Variants in MAPRE3 observed in about 807,000 individuals in gnomAD.
The protein encoded by MAPRE3 is microtubule-associated protein RP/EB family member 3.
MAPRE3 carries 2 observed loss-of-function variants against 30.5 expected under a neutral mutation model. The observed-to-expected ratio is 0.07, with a 90% confidence interval of 0.03 to 0.21. The LOEUF is 0.21. Among genes scored for constraint, MAPRE3 ranks in the 10% least tolerant of loss-of-function variants. MAPRE3 has a pLI of 1.00. For missense variants in MAPRE3, 204 were observed against 351.8 expected, an observed-to-expected ratio of 0.58 and a Z score of 3.36; for synonymous variants, 110 against 127.7, an observed-to-expected ratio of 0.86 and a Z score of 0.93.
intron 1 of MAPRE3, chr2:27,001,957 C>T (rs970836442): frequency 6.6e-5 from 10 of 152,312 alleles, no homozygotes; most frequent in Admixed American, 4.6e-4. Context: ...GTATTTTGCT[C>T]GTGAGGCAGG....
At position 27,025,955 on chromosome 2, in the gene MAPRE3, G is replaced by A. The variant is rs1438049103; in HGVS notation, c.700G>A (p.Glu234Lys). The A allele has an allele frequency of 6.2e-7, 1 of 1,614,136 alleles. No individual in the cohort carries two copies. The highest frequency in any genetic ancestry group is 8.5e-7 in the Non-Finnish European group (1 of 1,180,004). ...DFYFSKLRDIELICQEHESEN... is the reference protein window; with the variant it reads ...DFYFSKLRDIKLICQEHESEN... ...CTACTTCAGCAAACTTCGTGACATC[G>A]AGCTCATCTGCCAGGAGCATGAAAG... The change falls in exon 6 of 7, where the codon GAG becomes AAG. Residue 234 changes from glutamate (E) to lysine (K), a missense_variant. Physicochemically the swap from Glu to Lys is moderately conservative, Grantham distance 56. Coordinates refer to ENST00000233121, the MANE Select transcript of MAPRE3 (RefSeq NM_012326.4).
intron 1 of MAPRE3, among the ~76,000 whole-genome samples, chr2:26,993,401 A>T (rs1471054148): frequency 6.6e-6 from 1 of 152,154 alleles, no homozygotes; most frequent in Non-Finnish European, 1.5e-5. Context: ...GACATTATTA[A>T]AATAAAACCA....
intron 1 of MAPRE3, among the ~76,000 whole-genome samples, chr2:26,988,569 T>C (rs1666264974): frequency 6.6e-6 from 1 of 152,230 alleles, no homozygotes; most frequent in Admixed American, 6.5e-5. Context: ...AACTCATGCT[T>C]TGCCCTGACT....
intron 1 of MAPRE3, among the ~76,000 whole-genome samples, chr2:26,981,345 C>T (rs548761139): frequency 1.3e-4 from 19 of 151,708 alleles, no homozygotes; most frequent in Non-Finnish European, 2.5e-4. Context: ...GCCCTAAGGC[C>T]GGAGGTAGAG....
chr2:26,993,444 A>G (rs1197874834), intron 1 of MAPRE3, among the ~76,000 whole-genome samples: 3 of 152,226 alleles, frequency 2.0e-5, no homozygotes, highest in South Asian at 2.1e-4. Context: ...TTTCTTAACC[A>G]TCTGTTCTAT....
intron 1 of MAPRE3, among the ~76,000 whole-genome samples, chr2:26,997,379 T>C (rs1666486371): frequency 6.6e-6 from 1 of 152,162 alleles, no homozygotes; most frequent in Non-Finnish European, 1.5e-5. Context: ...TTTTAGCTCA[T>C]GAGCTGTCCT....
chr2:27,024,135 G>A lies in MAPRE3; in HGVS notation c.307G>A (p.Asp103Asn). Reference sequence around the variant, plus strand: ...GAAATTAGTGAAAGGAAAATTCCAAGATAATTTTGAGTTTATTCAGTGGTT... The same window carrying A: ...GAAATTAGTGAAAGGAAAATTCCAAAATAATTTTGAGTTTATTCAGTGGTT... The part of the protein sequence containing the change: ...VEKLVKGKFQ[D>N]NFEFIQWFKK... Residue 103 changes from aspartate to asparagine, a missense_variant, in exon 4 of 7, where the codon GAT becomes AAT. Transcript: ENST00000233121. 6.2e-7 allele frequency: 1 copy of A among 1,614,018 alleles called. No homozygotes were observed.
Position 27,015,103 on chromosome 2 carries a change from G to T in MAPRE3, c.-7-7109G>T, listed in dbSNP as rs1419403829. 1.3e-5 allele frequency: 2 copies of T among 152,260 alleles called. No individual in the cohort carries two copies. The highest frequency in any genetic ancestry group is 2.9e-5 in the Non-Finnish European group (2 of 68,072). The allele number at this position is 152,260 out of a possible 1,614,324, so 9.4% of individuals were successfully genotyped here. On this transcript the variant is annotated intron_variant, in intron 1 of 6. Transcript: ENST00000233121. This position sits in a 1 kb window ranked among gnomAD's most constrained non-coding sequence, Gnocchi z 4.0. ...TCTCAAGGCAAAGCAGCAGAGAAAA[G>T]TTCTGTAGTCTGTCTCCTTTCTGGA...
In MAPRE3 at chr2:27,026,357, G is replaced by A. The variant is rs373674827; in HGVS notation, c.*9G>A. The A allele has an allele frequency of 2.6e-5, 42 of 1,610,368 alleles. No homozygotes were observed. In the African/African-American group the frequency reaches 3.9e-4, roughly 15 times the overall value. On this transcript the variant is annotated 3_prime_UTR_variant, in exon 7 of 7. Coordinates refer to ENST00000233121, the MANE Select transcript of MAPRE3 (RefSeq NM_012326.4). Reference sequence around the variant, plus strand: ...ACCAGGACGAGTACTGAGGGCGGCCGCAGCCCTGGCTGACTGCACAGCTTC... The same window carrying A: ...ACCAGGACGAGTACTGAGGGCGGCCACAGCCCTGGCTGACTGCACAGCTTC...
At chr2:27,020,760 G>C (rs566063050) in intron 1 of MAPRE3, among the ~76,000 whole-genome samples, 1 of 152,228 alleles carries the variant, frequency 6.6e-6, no homozygotes, top group Admixed American at 6.5e-5. Flanking sequence ...ATGACTGCTG[G>C]CTGAAAGGAC....
chr2:27,012,679 C>G lies in MAPRE3; in HGVS notation c.-7-9533C>G, dbSNP rs1359940125. 5 of 152,640 alleles carry G rather than the reference C, an allele frequency of 3.3e-5. No homozygotes were observed. In the East Asian group the frequency reaches 7.7e-4, roughly 24 times the overall value. The allele number at this position is 152,640 out of a possible 1,614,324, so 9.5% of individuals were successfully genotyped here. A position where few individuals can be genotyped will look rare whatever the true frequency, so the allele number is the denominator to read the frequency against. On this transcript the variant is annotated intron_variant, in intron 1 of 6. Transcript: ENST00000233121. ...GCAGAACAGGCAGGTAGAGTAGAGT[C>G]TGAGGGCATGAGGAAAGGCAGTCTA... is the stretch of plus-strand genomic sequence containing the variant.
intron 1 of MAPRE3, among the ~76,000 whole-genome samples, chr2:27,018,895 T>TTTTATTTATTTATTTA (rs143408252): frequency 0.024 from 3,537 of 146,908 alleles, 180 homozygotes; most frequent in African/African-American, 0.086. Flanking sequence ...GCACACACAT[T>TTTTATTTATTTATTTA]TTTATTTATT....
chr2:26,973,447 C>CT (rs1665952231), intron 1 of MAPRE3, among the ~76,000 whole-genome samples: 1 of 152,174 alleles, frequency 6.6e-6, no homozygotes. Context: ...TAATGTGGTA[C>CT]TCTCCAGAAA....
Position 27,026,282 on chromosome 2 carries a change from A to G in MAPRE3, c.780A>G (p.Glu260=), listed in dbSNP as rs1315889629. ...TTCCTCTCTCTCCCACCCTCCAGGA[A>G]GGATTCGCACCCCCTGAGGACGATG... The part of the protein sequence containing the change: ...GIIGILYATE[E]GFAPPEDDEI... Residue 260 remains glutamate, a splice_region_variant and synonymous_variant, in exon 7 of 7, where the codon GAA becomes GAG. Transcript: ENST00000233121. The G allele has an allele frequency of 1.2e-6, 2 of 1,613,376 alleles. No homozygotes were observed. Among genetic ancestry groups the G allele is most frequent in the African/African-American group, 2.7e-5 (2 of 74,900 alleles).
At chr2:27,017,259 T>C (rs1027311088) in intron 1 of MAPRE3, among the ~76,000 whole-genome samples, 2 of 152,214 alleles carry the variant, frequency 1.3e-5, no homozygotes, top group South Asian at 2.1e-4. Context: ...TAGGGCAGAG[T>C]GTAGCACCAG....
chr2:27,021,944 C>T (rs1339681696), intron 1 of MAPRE3, among the ~76,000 whole-genome samples: 1 of 152,214 alleles, frequency 6.6e-6, no homozygotes. Flanking sequence ...TCACTCCCTA[C>T]TGAGGGGATC....
intron 1 of MAPRE3, among the ~76,000 whole-genome samples, chr2:26,984,585 C>T (rs556005822): frequency 5.9e-5 from 9 of 152,326 alleles, no homozygotes; most frequent in Admixed American, 2.0e-4. Flanking sequence ...CCCAAGGAAA[C>T]ATATGCTCCA....
At chr2:27,020,934 C>T (rs1459894450) in intron 1 of MAPRE3, among the ~76,000 whole-genome samples, 1 of 152,104 alleles carries the variant, frequency 6.6e-6, no homozygotes, top group Non-Finnish European at 1.5e-5. Context: ...CCTTCACATC[C>T]GTGGGATCCA....
In MAPRE3 at chr2:27,026,272, C is replaced by T. The variant is rs1558389760; in HGVS notation, c.778-8C>T. 1 of 1,611,054 alleles carries T rather than the reference C, an allele frequency of 6.2e-7. No homozygotes were observed. The highest frequency in any genetic ancestry group is 1.7e-5 in the Admixed American group (1 of 59,320). On this transcript the variant is annotated splice_polypyrimidine_tract_variant and splice_region_variant and intron_variant, in intron 6 of 6. Transcript: ENST00000233121. ...GCCCACCACTTTCCTCTCTCTCCCA[C>T]CCTCCAGGAAGGATTCGCACCCCCT...
Sources: gnomAD v4.1 joint callset for allele counts (sites outside exome capture counted in the v4.1 genomes callset) on GRCh38, gnomAD v4.1.1 for gene constraint, Gnocchi (gnomAD v3.1) non-coding constraint, MANE v1.5 for transcripts, NCBI Gene and HGNC (gene_info 2026-07-23, HGNC 2026-07-21) for gene names.